Variants in NTRK3 observed in about 807,000 individuals in gnomAD.
NTRK3 encodes the protein neurotrophic receptor tyrosine kinase 3.
NTRK3 carries 24 observed loss-of-function variants against 91.7 expected under a neutral mutation model. The observed-to-expected ratio is 0.26, with a 90% CI of 0.19 to 0.37. The LOEUF (loss-of-function observed/expected upper bound fraction) is 0.37. NTRK3 is among the 10% of genes least tolerant of loss of function. NTRK3 has a pLI of 1.00. For synonymous variants in NTRK3, 483 were observed against 404.0 expected (o/e 1.20, Z -2.34); for missense variants, 880 against 1,068.9 (o/e 0.82, Z 2.46).
At chr15:87,993,245 G>A (rs929409332) in intron 14 of NTRK3, among the ~76,000 whole-genome samples, 1 of 152,186 alleles carries the variant, frequency 6.6e-6, no homozygotes, top group Non-Finnish European at 1.5e-5. Context: ...TCAGAATCTG[G>A]CAGGAAATGC....
In NTRK3 at chr15:88,126,426, C is replaced by G. The variant is rs1170138079; in HGVS notation, c.1294-53G>C. Reference sequence around the variant, plus strand: ...GCAACAATCACAGAAAACCCAATTTCCTTGAAAATAATGTGTGTGCCCAGA... The same window carrying G: ...GCAACAATCACAGAAAACCCAATTTGCTTGAAAATAATGTGTGTGCCCAGA... On this transcript the variant is annotated intron_variant, in intron 12 of 18. Coordinates refer to ENST00000394480, the Ensembl canonical transcript of NTRK3. 60 of 1,269,190 alleles carry G rather than the reference C, an allele frequency of 4.7e-5. No individual in the cohort carries two copies. The East Asian group carries it at 1.4e-3, about 29-fold the overall frequency. The allele number at this position is 1,269,190 out of a possible 1,614,324, so 78.6% of individuals were successfully genotyped here.
chr15:88,214,771 G>A (rs866759046), intron 3 of NTRK3, among the ~76,000 whole-genome samples: 2 of 151,438 alleles, frequency 1.3e-5, no homozygotes, highest in Non-Finnish European at 2.9e-5. Flanking sequence ...CTTCCCATAC[G>A]AGCCCAGCTT....
intron 17 of NTRK3, among the ~76,000 whole-genome samples, chr15:87,881,722 A>C (rs988398557): frequency 6.6e-6 from 1 of 152,024 alleles, no homozygotes; most frequent in Non-Finnish European, 1.5e-5. Context: ...CCCGGCCTAA[A>C]GTTCTTATTT....
Position 88,237,354 on chromosome 15 carries a change from T to C in NTRK3, c.248+18552A>G, listed in dbSNP as rs1270570813. Among the ~76,000 whole-genome samples the C allele has an allele frequency of 6.6e-6, 1 of 152,238 alleles. No individual in the cohort carries two copies. Among genetic ancestry groups the C allele is most frequent in the Non-Finnish European group, 1.5e-5 (1 of 68,048 alleles). ...AGAAAACAATTCCATAGCCCTATTT[T>C]GTGACCCATTGTTTTGGGAAGTTCT... On this transcript the variant is annotated intron_variant, in intron 3 of 18. Coordinates refer to ENST00000394480, the Ensembl canonical transcript of NTRK3. This position sits in a 1 kb window ranked among gnomAD's most constrained non-coding sequence, Gnocchi z 4.0.
At chr15:88,059,754 G>A (rs1049066547) in intron 13 of NTRK3, among the ~76,000 whole-genome samples, 4 of 152,142 alleles carry the variant, frequency 2.6e-5, no homozygotes, top group African/African-American at 9.7e-5. Context: ...ATATGTTAAT[G>A]TTATAACACC....
chr15:88,253,311 T>C (rs74027927), intron 3 of NTRK3: 27,203 of 152,124 alleles, frequency 0.18, 3,379 homozygotes, highest in African/African-American at 0.35. Flanking sequence ...TGACCCCAGC[T>C]GCGGGTGCTT....
At chr15:88,149,641 G>A (rs117240876) in intron 5 of NTRK3, among the ~76,000 whole-genome samples, 1 of 152,342 alleles carries the variant, frequency 6.6e-6, no homozygotes, top group East Asian at 1.9e-4. Context: ...GAACTGCAGT[G>A]ATGACCACCT....
At chr15:88,172,779 G>C (rs1374276053) in intron 5 of NTRK3, among the ~76,000 whole-genome samples, 1 of 152,180 alleles carries the variant, frequency 6.6e-6, no homozygotes, top group Non-Finnish European at 1.5e-5. Context: ...AATGATCGGG[G>C]GTTGGGGGGC....
intron 3 of NTRK3, among the ~76,000 whole-genome samples, chr15:88,222,042 A>G (rs1411722213): frequency 6.6e-6 from 1 of 152,226 alleles, no homozygotes; most frequent in Non-Finnish European, 1.5e-5. Flanking sequence ...CATGAGCTAG[A>G]AAGGCCTGTC....
At chr15:88,152,423 A>T (rs1413072150) in intron 5 of NTRK3, among the ~76,000 whole-genome samples, 1 of 152,254 alleles carries the variant, frequency 6.6e-6, no homozygotes, top group Non-Finnish European at 1.5e-5. Context: ...TCCTTAATCC[A>T]ATATGACTAG....
At chr15:87,909,184 C>T (rs2066942485) in intron 17 of NTRK3, among the ~76,000 whole-genome samples, 1 of 152,096 alleles carries the variant, frequency 6.6e-6, no homozygotes, top group East Asian at 1.9e-4. Context: ...CTCCTCCTTG[C>T]TGTCCATGGA....
chr15:88,201,264 C>T (rs2048282750), intron 3 of NTRK3, among the ~76,000 whole-genome samples: 1 of 152,182 alleles, frequency 6.6e-6, no homozygotes, highest in South Asian at 2.1e-4. Flanking sequence ...CTGAGCCCAC[C>T]TATTGATAGT....
intron 13 of NTRK3, among the ~76,000 whole-genome samples, chr15:88,124,990 T>C (rs2053133136): frequency 6.6e-6 from 1 of 152,214 alleles, no homozygotes; most frequent in Non-Finnish European, 1.5e-5. Flanking sequence ...TGTTTGTTGT[T>C]TGTTTTTGAG....
At chr15:87,974,366 G>A (rs1386720063) in intron 14 of NTRK3, among the ~76,000 whole-genome samples, 1 of 152,190 alleles carries the variant, frequency 6.6e-6, no homozygotes, top group East Asian at 1.9e-4. Context: ...ATATCAGGAG[G>A]TCTTTGAGGT....
At chr15:88,074,328 A>G (rs1331108416) in intron 13 of NTRK3, among the ~76,000 whole-genome samples, 1 of 152,232 alleles carries the variant, frequency 6.6e-6, no homozygotes, top group Non-Finnish European at 1.5e-5. Flanking sequence ...ACTGCCCAAA[A>G]TGGTGGCCAC....
chr15:88,031,417 T>A (rs943957411), intron 14 of NTRK3, among the ~76,000 whole-genome samples: 4 of 152,166 alleles, frequency 2.6e-5, no homozygotes, highest in African/African-American at 7.2e-5. Context: ...AGGTCCTTCC[T>A]CCCAGTCCTA....
exon 19 of NTRK3, chr15:87,864,904 A>G (rs1047692187): frequency 8.9e-6 from 2 of 223,566 alleles, no homozygotes; most frequent in Non-Finnish European, 1.8e-5. Context: ...TCACATCATA[A>G]TTTAAAATCT....
At chr15:87,929,421 C>A (rs1007258350) in exon 17 of NTRK3, 15 of 1,613,926 alleles carry the variant, frequency 9.3e-6, no homozygotes, top group Non-Finnish European at 1.3e-5. Context: ...ATCATTGCAT[C>A]TGGCCCATGG....
chr15:87,933,673 C>A (rs2053146082), intron 15 of NTRK3, among the ~76,000 whole-genome samples: 1 of 152,254 alleles, frequency 6.6e-6, no homozygotes, highest in Admixed American at 6.5e-5. Context: ...ATATCCTTGT[C>A]TTTTGGAGTC....
Sources: gnomAD v4.1 joint callset for allele counts (sites outside exome capture counted in the v4.1 genomes callset) on GRCh38, gnomAD v4.1.1 for gene constraint, Gnocchi (gnomAD v3.1) non-coding constraint, MANE v1.5 for transcripts, NCBI Gene and HGNC (gene_info 2026-07-23, HGNC 2026-07-21) for gene names.